The following IPO11 variants were observed in gnomAD, a reference collection of about 807,000 sequenced individuals.
IPO11 encodes importin 11.
In IPO11, 66 loss-of-function variants were observed where a neutral mutation model predicts 143.2. The ratio of observed to expected loss-of-function variants is 0.46; its 90% CI spans 0.38 to 0.57. The LOEUF is 0.57. Among genes scored for constraint, IPO11 ranks in the 20% least tolerant of loss-of-function variants. The pLI, the probability that IPO11 is intolerant of heterozygous loss-of-function variation, is 0.00. For missense variants in IPO11, 1,026 were observed against 1,141.0 expected, an observed-to-expected ratio of 0.90 and a Z score of 1.45; for synonymous variants, 385 against 377.8, an observed-to-expected ratio of 1.02 and a Z score of -0.22.
intron 1 of IPO11, chr5:62,419,156 A>G (rs767786233): frequency 2.3e-5 from 36 of 1,542,968 alleles, no homozygotes; most frequent in Non-Finnish European, 3.1e-5. Flanking sequence ...AAACATGTCT[A>G]AACTTAGAAA....
At chr5:62,523,898 A>C (rs1364092162) in intron 20 of IPO11, among the ~76,000 whole-genome samples, 2 of 151,118 alleles carry the variant, frequency 1.3e-5, no homozygotes, top group Non-Finnish European at 3.0e-5. Flanking sequence ...TATTTGGAGG[A>C]TGCTATTTTT....
intron 20 of IPO11, among the ~76,000 whole-genome samples, chr5:62,517,836 G>T (rs1742078172): frequency 6.6e-6 from 1 of 152,136 alleles, no homozygotes; most frequent in Non-Finnish European, 1.5e-5. Context: ...TGGAATGTTA[G>T]GCCTTTTTTC....
intron 16 of IPO11, among the ~76,000 whole-genome samples, chr5:62,503,117 G>A (rs1180699244): frequency 2.0e-5 from 3 of 152,174 alleles, no homozygotes; most frequent in East Asian, 3.9e-4. Flanking sequence ...GAGCCACTGT[G>A]CCTAGCCTTG....
intron 2 of IPO11, among the ~76,000 whole-genome samples, chr5:62,439,235 C>G (rs558387474): frequency 3.5e-5 from 5 of 144,354 alleles, no homozygotes; most frequent in African/African-American, 1.3e-4. Flanking sequence ...TAACTGTTGT[C>G]TTTTTATGTA....
intron 29 of IPO11, among the ~76,000 whole-genome samples, chr5:62,621,907 G>A (rs1279231504): frequency 6.6e-6 from 1 of 151,990 alleles, no homozygotes; most frequent in Non-Finnish European, 1.5e-5. Flanking sequence ...ACATTTCCTA[G>A]TATGCACACA....
rs1414661420 is a variant in IPO11, at chr5:62,536,705, T to G, written c.2093T>G (p.Leu698Arg). Residue 698 changes from leucine (L) to arginine (R), a missense_variant, in exon 23 of 30, where the codon CTA becomes CGA. This residue lies in a region of IPO11 where 351 missense variants were observed against 358.9 expected (regional missense o/e 0.98). Transcript: ENST00000325324. ...TTGACATTTATTGTTTTGGCAGAACTAAGTTCAGAAAATCTTAGAACTTGC... is the reference window on the plus strand; with the variant it reads ...TTGACATTTATTGTTTTGGCAGAACGAAGTTCAGAAAATCTTAGAACTTGC... Reference protein sequence around the residue: ...IFQNMSPLLELSSENLRTCFK... With the variant: ...IFQNMSPLLERSSENLRTCFK... 6.4e-7 allele frequency: 1 copy of G among 1,574,560 alleles called. No homozygotes were observed. The highest frequency in any genetic ancestry group is 8.6e-7 in the Non-Finnish European group (1 of 1,167,204).
intron 18 of IPO11, among the ~76,000 whole-genome samples, chr5:62,505,413 T>G (rs569275179): frequency 4.5e-4 from 68 of 152,208 alleles, no homozygotes; most frequent in African/African-American, 1.5e-3. Context: ...ATCAGTAACA[T>G]TGGGGTGTTA....
intron 21 of IPO11, chr5:62,526,635 C>G (rs1742378284): frequency 5.7e-6 from 1 of 175,972 alleles, no homozygotes; most frequent in South Asian, 1.4e-4. Context: ...TACCTTAGCT[C>G]CAAATGCTAA....
chr5:62,413,660 C>T (rs1743197705), intron 1 of IPO11, among the ~76,000 whole-genome samples: 1 of 152,140 alleles, frequency 6.6e-6, no homozygotes, highest in Admixed American at 6.5e-5. Flanking sequence ...AGTTGACATA[C>T]CTCCTCCCCT....
In IPO11 at chr5:62,451,691, T is replaced by C. The variant is rs1426091060; in HGVS notation, c.313-39T>C. ...TGTCACCGTGAATGCATTCCTTATC[T>C]ATTGCCTTGATTCCATTTGTTTAAT... On this transcript the variant is annotated intron_variant, in intron 4 of 29. Coordinates refer to ENST00000325324, the MANE Select transcript of IPO11 (RefSeq NM_016338.5). 2.0e-6 allele frequency: 3 copies of C among 1,486,444 alleles called. No individual in the cohort carries two copies. The African/African-American group carries it at 4.1e-5, about 21-fold the overall frequency. The allele number at this position is 1,486,444 out of a possible 1,614,324, so 92.1% of individuals were successfully genotyped here. A position where few individuals can be genotyped will look rare whatever the true frequency, so the allele number is the denominator to read the frequency against.
intron 29 of IPO11, among the ~76,000 whole-genome samples, chr5:62,612,609 T>C (rs2112467231): frequency 6.6e-6 from 1 of 152,330 alleles, no homozygotes; most frequent in East Asian, 1.9e-4. Flanking sequence ...TTTTGAAAAA[T>C]AGTTATTTAT....
At chr5:62,627,005 A>T in intron 29 of IPO11, 149 bp from the exon 30 acceptor site, 1 of 529,092 alleles carries the variant, frequency 1.9e-6, no homozygotes, top group Non-Finnish European at 3.2e-6. Context: ...AGATTTTTCC[A>T]CCATGAGATT....
intron 27 of IPO11, 92 bp from the exon 28 acceptor site, chr5:62,591,484 CT>C: frequency 1.5e-6 from 1 of 678,826 alleles, no homozygotes; most frequent in South Asian, 2.0e-5. Flanking sequence ...GCTGAAATTT[CT>C]CTTCATGTTC....
At chr5:62,482,982 T>C (rs1428134100) in intron 9 of IPO11, 119 bp from the exon 10 acceptor site, 2 of 649,858 alleles carry the variant, frequency 3.1e-6, no homozygotes, top group Non-Finnish European at 5.2e-6. Context: ...GAACATAGAC[T>C]CCACACTAAG....
At chr5:62,489,976 C>T in intron 14 of IPO11, 139 bp from the exon 15 acceptor site, 1 of 418,420 alleles carries the variant, frequency 2.4e-6, no homozygotes, top group Non-Finnish European at 4.2e-6. Context: ...ATTATTTCTT[C>T]TACTTAAATT....
At chr5:62,581,514 A>C (rs1744565480) in intron 27 of IPO11, 1 of 462,760 alleles carries the variant, frequency 2.2e-6, no homozygotes, top group Non-Finnish European at 3.8e-6. Context: ...AATAATAGCT[A>C]ACATTTCTGT....
chr5:62,449,027 G>A (rs1027718982), intron 3 of IPO11, among the ~76,000 whole-genome samples: 1 of 151,966 alleles, frequency 6.6e-6, no homozygotes, highest in Admixed American at 6.6e-5. Context: ...TTTAATGTAC[G>A]TTTACTATTT....
Position 62,508,619 on chromosome 5 carries a change from C to T in IPO11, c.1782+2262C>T, listed in dbSNP as rs1342410224. Among the ~76,000 whole-genome samples, 8 of 150,904 alleles carry T rather than the reference C, an allele frequency of 5.3e-5. No homozygotes were observed. In the East Asian group the frequency reaches 9.7e-4, roughly 18 times the overall value. On this transcript the variant is annotated intron_variant, in intron 19 of 29. Transcript: ENST00000325324. ...CCCTTTCTCCCTCCCTCCCTCCCTC[C>T]GTCTCTCTCTCTTTCTTTCTTTCAC...
intron 3 of IPO11, among the ~76,000 whole-genome samples, chr5:62,448,585 C>T (rs247481): frequency 0.09 from 13,734 of 152,112 alleles, 670 homozygotes; most frequent in East Asian, 0.14. Context: ...GGGTCTTGCT[C>T]CGTTGCCCAG....
Sources: allele counts gnomAD v4.1 joint callset (sites outside exome capture counted in the v4.1 genomes callset), GRCh38; gene constraint gnomAD v4.1.1; regional missense constraint gnomAD v4.1.1; transcripts MANE v1.5; gene names NCBI Gene and HGNC (gene_info 2026-07-23, HGNC 2026-07-21).